Variants in ZCCHC17 observed in about 807,000 individuals in gnomAD.
ZCCHC17 encodes zinc finger CCHC-type containing 17, also known as zinc finger CCHC domain-containing protein 17.
Under a neutral mutation model 30.6 loss-of-function variants are expected in ZCCHC17, and 18 were observed. That is an observed-to-expected ratio of 0.59 (90% CI 0.41 to 0.87). The LOEUF (loss-of-function observed/expected upper bound fraction) is 0.87. ZCCHC17 is among the 40% of genes least tolerant of loss of function. The pLI is 0.00. For synonymous variants in ZCCHC17, 88 were observed against 92.4 expected (o/e 0.95, Z 0.27); for missense variants, 263 against 284.2 (o/e 0.93, Z 0.54).
In ZCCHC17 at chr1:31,311,760, G is replaced by A. The variant is rs558283938; in HGVS notation, c.66+1596G>A. Among the ~76,000 whole-genome samples, 12 of 152,320 alleles carry A rather than the reference G, an allele frequency of 7.9e-5. No homozygotes were observed. In the South Asian group the frequency reaches 2.5e-3, roughly 32 times the overall value. On this transcript the variant is annotated intron_variant, in intron 2 of 7. Transcript: ENST00000344147. Reference sequence around the variant, plus strand: ...CCCCACCTCTTGATACCATTGAATTGGGGATTAGGCTTCAAAGTGAATATT... The same window carrying A: ...CCCCACCTCTTGATACCATTGAATTAGGGATTAGGCTTCAAAGTGAATATT...
chr1:31,320,126 A>G (rs1646827356), intron 3 of ZCCHC17, among the ~76,000 whole-genome samples: 2 of 152,192 alleles, frequency 1.3e-5, no homozygotes, highest in Non-Finnish European at 2.9e-5. Context: ...CGTATGACTA[A>G]AAAGTAACTT....
intron 3 of ZCCHC17, among the ~76,000 whole-genome samples, chr1:31,327,810 A>G (rs1638417008): frequency 6.6e-6 from 1 of 152,204 alleles, no homozygotes; most frequent in Admixed American, 6.5e-5. Flanking sequence ...TCTCAACTTA[A>G]TAAGGGAAAA....
intron 7 of ZCCHC17, among the ~76,000 whole-genome samples, chr1:31,355,055 A>G (rs1383422154): frequency 6.6e-6 from 1 of 152,020 alleles, no homozygotes; most frequent in Admixed American, 6.6e-5. Flanking sequence ...AGGGCCTGTA[A>G]TCCTAGCTAC....
intron 1 of ZCCHC17, among the ~76,000 whole-genome samples, chr1:31,308,947 T>C (rs1646532740): frequency 6.6e-6 from 1 of 152,228 alleles, no homozygotes; most frequent in South Asian, 2.1e-4. Context: ...AAGAAAATGA[T>C]TTCATGATTC....
At chr1:31,347,076 G>A (rs80158331) in intron 6 of ZCCHC17, among the ~76,000 whole-genome samples, 111 of 152,234 alleles carry the variant, frequency 7.3e-4, no homozygotes, top group African/African-American at 2.6e-3. Context: ...TATCTCCAAG[G>A]ATGATGATTC....
intron 3 of ZCCHC17, among the ~76,000 whole-genome samples, chr1:31,324,821 G>A (rs747504124): frequency 6.6e-6 from 1 of 152,032 alleles, no homozygotes; most frequent in Non-Finnish European, 1.5e-5. Context: ...ATGATTGATG[G>A]TGACAAGAGG....
At position 31,319,167 on chromosome 1, in the gene ZCCHC17, G is replaced by A; in HGVS notation, c.124+1G>A. 1 of 1,609,874 alleles carries A rather than the reference G, an allele frequency of 6.2e-7. No homozygotes were observed. Among genetic ancestry groups the A allele is most frequent in the South Asian group, 1.1e-5 (1 of 90,688 alleles). ...AAAATCCCAGGCTGTCGGAAGCAAGGTAGGAGTTTATAACTTGAAATTCAG... is the reference window on the plus strand; with the variant it reads ...AAAATCCCAGGCTGTCGGAAGCAAGATAGGAGTTTATAACTTGAAATTCAG... On this transcript the variant is annotated splice_donor_variant, in intron 3 of 7. Transcript: ENST00000344147. LOFTEE classifies it high-confidence loss of function.
At chr1:31,324,736 A>G (rs1168204439) in intron 3 of ZCCHC17, among the ~76,000 whole-genome samples, 7 of 152,182 alleles carry the variant, frequency 4.6e-5, no homozygotes, top group African/African-American at 1.7e-4. Context: ...AGGGAGGCCA[A>G]AGGGGTGCTG....
At chr1:31,315,333 C>G (rs1646707023) in intron 2 of ZCCHC17, among the ~76,000 whole-genome samples, 1 of 152,184 alleles carries the variant, frequency 6.6e-6, no homozygotes, top group South Asian at 2.1e-4. Flanking sequence ...CAGCCCATGT[C>G]CCAGCTCTTC....
intron 3 of ZCCHC17, among the ~76,000 whole-genome samples, chr1:31,324,287 A>G (rs1211182713): frequency 6.6e-6 from 1 of 152,170 alleles, no homozygotes; most frequent in African/African-American, 2.4e-5. Flanking sequence ...AGGCTGGGCA[A>G]CATAGCAAGA....
intron 3 of ZCCHC17, 24 bp from the exon 4 acceptor site, chr1:31,337,151 G>A (rs370055121): frequency 3.9e-5 from 63 of 1,602,614 alleles, no homozygotes; most frequent in Non-Finnish European, 4.9e-5. Context: ...TCTGCTTTAC[G>A]TTATTTCTTC....
intron 2 of ZCCHC17, among the ~76,000 whole-genome samples, chr1:31,311,617 T>C (rs1281882398): frequency 6.6e-6 from 1 of 152,242 alleles, no homozygotes; most frequent in Non-Finnish European, 1.5e-5. Context: ...ACCTTCCTGC[T>C]GCATCCTCTG....
chr1:31,306,524 T>A (rs1208147011), intron 1 of ZCCHC17, among the ~76,000 whole-genome samples: 4 of 152,236 alleles, frequency 2.6e-5, no homozygotes, highest in Admixed American at 1.3e-4. Flanking sequence ...ATAACAGTTT[T>A]AAGCTTATGA....
Position 31,337,210 on chromosome 1 carries a change from G to GT in ZCCHC17, c.161dup (p.Asp55GlyfsTer2). ...TCGAACTCATATGTCATCCTGTCGG[G>GT]TGGATAAGCCCTCTGAGATAGTAGA... On this transcript the variant is annotated frameshift_variant, in exon 4 of 8. Transcript: ENST00000344147. LOFTEE classifies it high-confidence loss of function. 6.2e-7 allele frequency: 1 copy of GT among 1,614,076 alleles called. No homozygotes were observed. Among genetic ancestry groups the GT allele is most frequent in the Non-Finnish European group, 8.5e-7 (1 of 1,180,020 alleles).
chr1:31,310,857 C>T (rs776009654), intron 2 of ZCCHC17, among the ~76,000 whole-genome samples: 1 of 152,200 alleles, frequency 6.6e-6, no homozygotes, highest in African/African-American at 2.4e-5. Context: ...CTGGCCATCA[C>T]CCTTGATTTC....
At chr1:31,298,883 T>C (rs888496742) in intron 1 of ZCCHC17, among the ~76,000 whole-genome samples, 5 of 152,170 alleles carry the variant, frequency 3.3e-5, no homozygotes, top group Non-Finnish European at 7.3e-5. Flanking sequence ...AGTTCCAACA[T>C]TTAATGGTGA....
chr1:31,344,000 A>G (rs750583048), intron 5 of ZCCHC17, among the ~76,000 whole-genome samples: 36 of 151,652 alleles, frequency 2.4e-4, no homozygotes, highest in Non-Finnish European at 4.4e-4. Flanking sequence ...GATTACAGGC[A>G]TGTACCACTA....
chr1:31,345,174 T>C (rs2148463761), intron 5 of ZCCHC17, among the ~76,000 whole-genome samples: 2 of 141,636 alleles, frequency 1.4e-5, no homozygotes, highest in Non-Finnish European at 3.2e-5. Context: ...TTGTTTGTTT[T>C]GAGACAGAGT....
chr1:31,364,291 A>G lies in ZCCHC17; in HGVS notation c.*98A>G, dbSNP rs1230711256. On this transcript the variant is annotated 3_prime_UTR_variant, in exon 8 of 8. Coordinates refer to ENST00000344147, the MANE Select transcript of ZCCHC17 (RefSeq NM_016505.4). ...CTCAATAGTGAGAATATAGCCTCCC[A>G]CCCCATTAACTTCGCTCCCATGGGA... 2.7e-6 allele frequency: 4 copies of G among 1,458,928 alleles called. No individual in the cohort carries two copies. The highest frequency in any genetic ancestry group is 3.6e-6 in the Non-Finnish European group (4 of 1,104,436). The allele number at this position is 1,458,928 out of a possible 1,614,324, so 90.4% of individuals were successfully genotyped here. A position where few individuals can be genotyped will look rare whatever the true frequency, so the allele number is the denominator to read the frequency against.
Sources: allele counts gnomAD v4.1 joint callset (sites outside exome capture counted in the v4.1 genomes callset), GRCh38; gene constraint gnomAD v4.1.1; transcripts MANE v1.5; gene names NCBI Gene and HGNC (gene_info 2026-07-23, HGNC 2026-07-21).